DLGAP2: variants seen among roughly 807,000 people sequenced by gnomAD.
The protein encoded by DLGAP2 is disks large-associated protein 2.
In DLGAP2, 26 loss-of-function variants were observed where a neutral mutation model predicts 100.3. The ratio of observed to expected loss-of-function variants is 0.26; its 90% CI spans 0.19 to 0.36. The LOEUF (loss-of-function observed/expected upper bound fraction) is 0.36. Among genes scored for constraint, DLGAP2 ranks in the 10% least tolerant of loss-of-function variants. The pLI, the probability that DLGAP2 is intolerant of heterozygous loss-of-function variation, is 1.00. For missense variants in DLGAP2, 1,858 were observed against 1,453.2 expected (o/e 1.28, Z -4.53); for synonymous variants, 886 against 630.1 (o/e 1.41, Z -6.08).
intron 1 of DLGAP2, among the ~76,000 whole-genome samples, chr8:894,528 A>G (rs1798101057): frequency 1.3e-5 from 2 of 150,770 alleles, no homozygotes; most frequent in South Asian, 4.2e-4. Flanking sequence ...GTGCAGAAAG[A>G]CAAGCACAGC....
chr8:1,096,952 C>T (rs140426093), intron 2 of DLGAP2, among the ~76,000 whole-genome samples: 2,951 of 141,516 alleles, frequency 0.021, 44 homozygotes, highest in Admixed American at 0.031. Flanking sequence ...CAGGCCTTCA[C>T]CCTCTGTGGC....
rs955986747 is a variant in DLGAP2, at chr8:1,701,131, G to A, written c.2950-57G>A. 1.3e-5 allele frequency: 20 copies of A among 1,496,012 alleles called. No individual in the cohort carries two copies. The East Asian group carries it at 2.2e-4, about 17-fold the overall frequency. The allele number at this position is 1,496,012 out of a possible 1,614,324, so 92.7% of individuals were successfully genotyped here. On this transcript the variant is annotated intron_variant, in intron 14 of 14. Transcript: ENST00000637795. ...CAGGCCCCAGGGCCGCTGAGCTCGCGAGCTGCTGGGACCCTCCTCCGAGCA... is the reference window on the plus strand; with the variant it reads ...CAGGCCCCAGGGCCGCTGAGCTCGCAAGCTGCTGGGACCCTCCTCCGAGCA...
chr8:1,665,461 C>A (rs1798519426), intron 8 of DLGAP2, among the ~76,000 whole-genome samples: 1 of 152,214 alleles, frequency 6.6e-6, no homozygotes, highest in Admixed American at 6.5e-5. Flanking sequence ...CTTAGGTGAA[C>A]CTCGCTGGGA....
intron 3 of DLGAP2, among the ~76,000 whole-genome samples, chr8:1,415,615 A>T (rs1007405294): frequency 6.6e-6 from 1 of 152,158 alleles, no homozygotes; most frequent in African/African-American, 2.4e-5. Context: ...CCCCACCTGC[A>T]TCCGTGTTGC....
chr8:793,410 C>T (rs1291609277), intron 1 of DLGAP2, among the ~76,000 whole-genome samples: 1 of 152,162 alleles, frequency 6.6e-6, no homozygotes, highest in Non-Finnish European at 1.5e-5. Context: ...GATGATTTTA[C>T]CCATTTTGCT....
intron 1 of DLGAP2, among the ~76,000 whole-genome samples, chr8:793,498 G>A (rs1795964197): frequency 6.6e-6 from 1 of 152,176 alleles, no homozygotes; most frequent in Non-Finnish European, 1.5e-5. Flanking sequence ...GCACCACGCT[G>A]CTGGGTCTTT....
At chr8:1,690,128 G>T (rs900147062) in intron 12 of DLGAP2, among the ~76,000 whole-genome samples, 1 of 152,146 alleles carries the variant, frequency 6.6e-6, no homozygotes, top group Non-Finnish European at 1.5e-5. Context: ...GGCCAAGGCG[G>T]GCTGATCACC....
At chr8:884,053 G>T (rs548651906) in intron 1 of DLGAP2, among the ~76,000 whole-genome samples, 6 of 152,296 alleles carry the variant, frequency 3.9e-5, no homozygotes, top group Admixed American at 1.3e-4. Context: ...ATGGGCATTT[G>T]TGTTGGTTCC....
intron 5 of DLGAP2, among the ~76,000 whole-genome samples, chr8:1,555,433 G>A (rs1247084751): frequency 6.6e-6 from 1 of 152,176 alleles, no homozygotes; most frequent in East Asian, 1.9e-4. Context: ...CCTGTGTTGT[G>A]AGGGGCTCCT....
chr8:1,553,333 C>T (rs1310190655), intron 5 of DLGAP2, among the ~76,000 whole-genome samples: 1 of 152,206 alleles, frequency 6.6e-6, no homozygotes, highest in Non-Finnish European at 1.5e-5. Context: ...GGAAGAGGTT[C>T]GGACCCTACT....
chr8:1,389,101 T>C (rs529050262), intron 3 of DLGAP2, among the ~76,000 whole-genome samples: 2 of 152,156 alleles, frequency 1.3e-5, no homozygotes, highest in Admixed American at 6.5e-5. Flanking sequence ...GTGTCAGGGC[T>C]GTGAGAGCAG....
chr8:798,172 C>T (rs1344435378), intron 1 of DLGAP2, among the ~76,000 whole-genome samples: 2 of 152,284 alleles, frequency 1.3e-5, no homozygotes, highest in African/African-American at 4.8e-5. Flanking sequence ...CTGGCACTCC[C>T]CGTGGTGCTC....
At chr8:1,552,473 C>T (rs527734191) in intron 5 of DLGAP2, among the ~76,000 whole-genome samples, 2 of 152,348 alleles carry the variant, frequency 1.3e-5, no homozygotes, top group South Asian at 2.1e-4. Context: ...GTGCAACCTC[C>T]TCGGGCTGTT....
rs1447358811 is a variant in DLGAP2, at chr8:1,704,184, C to G, written c.*2778C>G. On this transcript the variant is annotated 3_prime_UTR_variant, in exon 15 of 15. Coordinates refer to ENST00000637795, the MANE Select transcript of DLGAP2 (RefSeq NM_001346810.2). The stretch of plus-strand genomic sequence containing the variant: ...TGCCATGGAGCTCACGACGTGTGAC[C>G]ATTTCGTCATATTTAAAATATAACT... 1 of 152,552 alleles carries G rather than the reference C, an allele frequency of 6.6e-6. No homozygotes were observed. The highest frequency in any genetic ancestry group is 1.9e-4 in the East Asian group (1 of 5,198). The allele number at this position is 152,552 out of a possible 1,614,324, so 9.4% of individuals were successfully genotyped here.
At chr8:1,150,147 C>A (rs1380997053) in intron 2 of DLGAP2, among the ~76,000 whole-genome samples, 2 of 152,100 alleles carry the variant, frequency 1.3e-5, no homozygotes, top group Non-Finnish European at 2.9e-5. Flanking sequence ...CTAATTTTTG[C>A]TTTAGTGTGA....
intron 2 of DLGAP2, among the ~76,000 whole-genome samples, chr8:956,467 GC>G (rs1169583226): frequency 1.3e-5 from 2 of 152,216 alleles, no homozygotes; most frequent in African/African-American, 4.8e-5. Flanking sequence ...GACCCTCTCA[GC>G]TCTGAGAATC....
intron 6 of DLGAP2, among the ~76,000 whole-genome samples, chr8:1,596,044 C>T (rs1164473967): frequency 6.7e-6 from 1 of 148,894 alleles, no homozygotes; most frequent in Non-Finnish European, 1.5e-5. Flanking sequence ...CCCAACAGGC[C>T]CCTGTGTGTG....
At chr8:1,693,168 T>TA in intron 13 of DLGAP2, among the ~76,000 whole-genome samples, 1 of 148,160 alleles carries the variant, frequency 6.7e-6, no homozygotes, top group Admixed American at 6.8e-5. Context: ...TAACTACATA[T>TA]TTTATATATA....
At chr8:1,499,943 T>C (rs1272214929) in intron 3 of DLGAP2, among the ~76,000 whole-genome samples, 1 of 126,602 alleles carries the variant, frequency 7.9e-6, no homozygotes, top group Non-Finnish European at 1.6e-5. Context: ...ATAAATCCGT[T>C]TGCAGACTAC....
Sources: gnomAD v4.1 joint callset for allele counts (sites outside exome capture counted in the v4.1 genomes callset) on GRCh38, gnomAD v4.1.1 for gene constraint, MANE v1.5 for transcripts, NCBI Gene and HGNC (gene_info 2026-07-23, HGNC 2026-07-21) for gene names.